Variants in HTR7 observed in about 807,000 individuals in gnomAD.
The protein encoded by HTR7 is 5-HT-7.
A neutral mutation model predicts 34.0 loss-of-function variants in HTR7; 16 were observed. The observed-to-expected ratio is 0.47, with a 90% CI of 0.32 to 0.71. The LOEUF is 0.71. HTR7 is among the 30% of genes least tolerant of loss of function. The probability of loss-of-function intolerance (pLI) is 0.04; values close to 1 mark genes in which losing one functional copy is unlikely to be tolerated. For missense variants in HTR7, 504 were observed against 625.5 expected (o/e 0.81, Z 2.07); for synonymous variants, 265 against 260.2 (o/e 1.02, Z -0.18).
chr10:90,835,232 C>T (rs1436731410), intron 1 of HTR7, among the ~76,000 whole-genome samples: 2 of 152,172 alleles, frequency 1.3e-5, no homozygotes, highest in Admixed American at 1.3e-4. Context: ...TAAGCTAAAC[C>T]ATCCCCATGC....
intron 1 of HTR7, among the ~76,000 whole-genome samples, chr10:90,774,808 A>G (rs1263542512): frequency 6.6e-6 from 1 of 152,212 alleles, no homozygotes; most frequent in Non-Finnish European, 1.5e-5. Context: ...CTTCATAAGC[A>G]TCGCTTTTTA....
At chr10:90,743,554 C>T (rs1244715877) in intron 3 of HTR7, 39 bp downstream of exon 3, 1 of 1,481,338 alleles carries the variant, frequency 6.8e-7, no homozygotes, top group Admixed American at 1.7e-5. Flanking sequence ...CTCCAGACCA[C>T]AGCACTATCT....
intron 1 of HTR7, among the ~76,000 whole-genome samples, chr10:90,772,155 T>C (rs1007662093): frequency 3.0e-4 from 45 of 152,252 alleles, no homozygotes; most frequent in African/African-American, 1.0e-3. Flanking sequence ...CCCTAGGTCA[T>C]AGCAGCATAA....
At chr10:90,795,365 G>A (rs559397546) in intron 1 of HTR7, among the ~76,000 whole-genome samples, 5 of 152,050 alleles carry the variant, frequency 3.3e-5, no homozygotes, top group Admixed American at 1.3e-4. Flanking sequence ...ACATTTATAC[G>A]TACGGAAAAA....
chr10:90,848,069 C>CTTTTTTTTTT lies in HTR7; in HGVS notation c.539+9054_539+9063dup, dbSNP rs61675028. On this transcript the variant is annotated intron_variant, in intron 1 of 3. Coordinates refer to ENST00000336152, the MANE Select transcript of HTR7 (RefSeq NM_019859.4). The stretch of plus-strand genomic sequence containing the variant: ...TAAAAGCAATCACTCTCTCTTTGTT[C>CTTTTTTTTTT]TTTTTTTTTTTTTTTTTTTGGCAGG... Among the ~76,000 whole-genome samples the CTTTTTTTTTT allele has an allele frequency of 6.2e-4, 69 of 112,094 alleles. 2 individuals are homozygous for CTTTTTTTTTT. The highest frequency in any genetic ancestry group is 1.3e-3 in the African/African-American group (34 of 26,220). 73.5% of individuals were successfully genotyped at this position (112,094 alleles called of 152,430 possible). A position where few individuals can be genotyped will look rare whatever the true frequency, so the allele number is the denominator to read the frequency against.
intron 1 of HTR7, among the ~76,000 whole-genome samples, chr10:90,831,970 C>G (rs546755218): frequency 2.6e-5 from 4 of 152,162 alleles, no homozygotes; most frequent in African/African-American, 9.7e-5. Context: ...ATTCACAAAC[C>G]CTGAGCTAGA....
Position 90,843,434 on chromosome 10 carries a change from TAGTC to T in HTR7, c.539+13695_539+13698del, listed in dbSNP as rs1352960645. On this transcript the variant is annotated intron_variant, in intron 1 of 3. Coordinates refer to ENST00000336152, the MANE Select transcript of HTR7 (RefSeq NM_019859.4). ...CAAGGTGTTAAAAGACTGTTTAAGA[TAGTC>T]AGGGGATTCTAGAAATGTGTCATGA... is the stretch of plus-strand genomic sequence containing the variant. 4.6e-5 allele frequency among the ~76,000 whole-genome samples: 7 copies of T among 152,352 alleles called. No individual in the cohort carries two copies. The South Asian group carries it at 1.2e-3, about 27-fold the overall frequency.
intron 1 of HTR7, among the ~76,000 whole-genome samples, chr10:90,774,216 T>C (rs938283521): frequency 1.3e-5 from 2 of 152,222 alleles, no homozygotes; most frequent in African/African-American, 2.4e-5. Flanking sequence ...TTTTACAGAA[T>C]TGAACTCCAG....
At chr10:90,840,163 T>TCTCG (rs1846305829) in intron 1 of HTR7, among the ~76,000 whole-genome samples, 1 of 99,946 alleles carries the variant, frequency 1.0e-5, no homozygotes, top group South Asian at 3.2e-4. Flanking sequence ...TCCATCTGTT[T>TCTCG]CTCTCTCTCT....
chr10:90,743,744 A>T (rs1447769889), intron 2 of HTR7, 54 bp from the exon 3 acceptor site: 3 of 1,319,602 alleles, frequency 2.3e-6, no homozygotes, highest in Non-Finnish European at 2.2e-6. Context: ...ATTTTAAAAG[A>T]AAAAAAGAAT....
At chr10:90,748,625 T>C (rs905997023) in intron 2 of HTR7, among the ~76,000 whole-genome samples, 8 of 152,206 alleles carry the variant, frequency 5.3e-5, no homozygotes, top group Non-Finnish European at 1.2e-4. Flanking sequence ...ATCAGCAAAT[T>C]AGTCTCATCT....
At chr10:90,847,074 CA>C (rs1248654353) in intron 1 of HTR7, among the ~76,000 whole-genome samples, 2 of 152,186 alleles carry the variant, frequency 1.3e-5, no homozygotes, top group East Asian at 3.8e-4. Context: ...TATTTACACA[CA>C]TAGATATAAA....
At chr10:90,837,836 G>C (rs902479420) in intron 1 of HTR7, among the ~76,000 whole-genome samples, 4 of 152,182 alleles carry the variant, frequency 2.6e-5, no homozygotes, top group African/African-American at 9.6e-5. Context: ...CCTGACTCTT[G>C]CTGGCTTCCA....
chr10:90,778,934 C>G (rs1042962535), intron 1 of HTR7, among the ~76,000 whole-genome samples: 1 of 152,162 alleles, frequency 6.6e-6, no homozygotes, highest in Admixed American at 6.5e-5. Flanking sequence ...CCTCAGGCAC[C>G]CTGACCTTTG....
intron 1 of HTR7, among the ~76,000 whole-genome samples, chr10:90,781,682 GTTTA>G (rs1474294222): frequency 1.1e-4 from 16 of 152,074 alleles, no homozygotes; most frequent in Non-Finnish European, 1.8e-4. Context: ...AAGCTTCTTC[GTTTA>G]TTTATCTTAG....
chr10:90,757,723 G>A (rs1032534705), intron 1 of HTR7, among the ~76,000 whole-genome samples: 19 of 152,178 alleles, frequency 1.2e-4, no homozygotes, highest in African/African-American at 4.6e-4. Flanking sequence ...TTAAGAATGA[G>A]CAAGATTAAA....
chr10:90,794,181 G>A (rs1224581438), intron 1 of HTR7, among the ~76,000 whole-genome samples: 4 of 151,956 alleles, frequency 2.6e-5, no homozygotes, highest in African/African-American at 7.3e-5. Flanking sequence ...CATTAGCCTC[G>A]GCCTACACAG....
chr10:90,827,361 C>G (rs1229915579), intron 1 of HTR7, among the ~76,000 whole-genome samples: 1 of 152,080 alleles, frequency 6.6e-6, no homozygotes, highest in Non-Finnish European at 1.5e-5. Context: ...GCCTGGGCAA[C>G]AAAGTGAGAC....
chr10:90,781,035 A>C (rs1845299253), intron 1 of HTR7, among the ~76,000 whole-genome samples: 1 of 152,230 alleles, frequency 6.6e-6, no homozygotes, highest in African/African-American at 2.4e-5. Context: ...TTAGAAAACA[A>C]TATATGACCA....
Sources: gnomAD v4.1 joint callset for allele counts (sites outside exome capture counted in the v4.1 genomes callset) on GRCh38, gnomAD v4.1.1 for gene constraint, MANE v1.5 for transcripts, NCBI Gene and HGNC (gene_info 2026-07-23, HGNC 2026-07-21) for gene names.